Variants in HS1BP3 observed in about 807,000 individuals in gnomAD.
The protein encoded by HS1BP3 is HCLS1 binding protein 3.
HS1BP3 carries 32 observed loss-of-function variants against 33.5 expected under a neutral mutation model. The ratio of observed to expected loss-of-function variants is 0.95; its 90% confidence interval spans 0.72 to 1.28. HS1BP3 has a LOEUF of 1.28. Among genes scored for constraint, HS1BP3 ranks in the 50% most tolerant of loss-of-function variants. HS1BP3 has a pLI of 0.00. For synonymous variants in HS1BP3, 187 were observed against 209.2 expected, an observed-to-expected ratio of 0.89 and a Z score of 0.92; for missense variants, 486 against 502.3, an observed-to-expected ratio of 0.97 and a Z score of 0.31.
At chr2:20,646,658 T>C (rs889397244) in intron 1 of HS1BP3, among the ~76,000 whole-genome samples, 2 of 152,258 alleles carry the variant, frequency 1.3e-5, no homozygotes, top group Non-Finnish European at 2.9e-5. Flanking sequence ...AAGGGCCGAA[T>C]GGGCACTGGG....
At chr2:20,574,223 G>A (rs147009709) in intron 5 of HS1BP3, among the ~76,000 whole-genome samples, 107 of 152,320 alleles carry the variant, frequency 7.0e-4, no homozygotes, top group African/African-American at 2.4e-3. Context: ...TGCAAGGCTC[G>A]TGAGACTCAA....
intron 6 of HS1BP3, among the ~76,000 whole-genome samples, chr2:20,620,595 G>C (rs2149290058): frequency 6.6e-6 from 1 of 152,310 alleles, no homozygotes; most frequent in South Asian, 2.1e-4. Context: ...ACTGCAGGAG[G>C]AGAACTGGCT....
rs78060113 is a variant in HS1BP3 at position 20,606,560 on chromosome 2, T to C, written c.179-8295A>G. On this transcript the variant is annotated intron_variant, in intron 2 of 3. Transcript: ENST00000415264. ...AACTATGTCTTTGGAGCACTTCTTC[T>C]TTTTGGCCTTGTCCCCGGATTTGCT... 2.8e-3 allele frequency: 1,369 copies of C among 488,264 alleles called. 10 individuals carry two copies. Among genetic ancestry groups the C allele is most frequent in the African/African-American group, 0.023 (1,183 of 50,902 alleles). 30.2% of individuals were successfully genotyped at this position (488,264 alleles called of 1,614,324 possible). A position where few individuals can be genotyped will look rare whatever the true frequency, so the allele number is the denominator to read the frequency against.
chr2:20,631,978 G>A (rs913299846), intron 4 of HS1BP3, among the ~76,000 whole-genome samples: 1 of 152,194 alleles, frequency 6.6e-6, no homozygotes, highest in Non-Finnish European at 1.5e-5. Context: ...AGCCCCAAAT[G>A]GCCAAGATTT....
chr2:20,633,910 C>T (rs535339675), intron 4 of HS1BP3, among the ~76,000 whole-genome samples: 2 of 152,370 alleles, frequency 1.3e-5, no homozygotes, highest in South Asian at 2.1e-4. Context: ...GTGCCGCCTG[C>T]GTGACGCTGC....
rs67769731 is a variant in HS1BP3, at chr2:20,598,539, CTTTTTTTTTTTTTTTTT to C, written c.179-291_179-275del. Among the ~76,000 whole-genome samples, 17 of 63,872 alleles carry C rather than the reference CTTTTTTTTTTTTTTTTT, an allele frequency of 2.7e-4. No homozygotes were observed. The East Asian group carries it at 9.5e-3, about 36-fold the overall frequency. 41.9% of individuals were successfully genotyped at this position (63,872 alleles called of 152,430 possible). On this transcript the variant is annotated intron_variant, in intron 2 of 3. Coordinates refer to the HS1BP3 transcript ENST00000415264. ...CCTAACAGGCCAGGGACCGGTACTT[CTTTTTTTTTTTTTTTTT>C]TTTTTTTTTTTTTTTTTTTTGAGAC...
intron 5 of HS1BP3, among the ~76,000 whole-genome samples, chr2:20,563,759 G>A (rs1693058415): frequency 1.3e-5 from 2 of 152,178 alleles, no homozygotes; most frequent in Admixed American, 6.5e-5. Context: ...GTAGAATCCA[G>A]AGGGCTCTCA....
chr2:20,618,761 G>A lies in HS1BP3; in HGVS notation c.*226C>T. 7.3e-7 allele frequency: 1 copy of A among 1,366,230 alleles called. No individual in the cohort carries two copies. Among genetic ancestry groups the A allele is most frequent in the Non-Finnish European group, 9.4e-7 (1 of 1,064,048 alleles). 84.6% of individuals were successfully genotyped at this position (1,366,230 alleles called of 1,614,324 possible). ...GTCCACGGGGAATAAGACACATTGG[G>A]CTCTGGCTCCTAGGGTGAGAGCCGC... On this transcript the variant is annotated 3_prime_UTR_variant, in exon 7 of 7. Transcript: ENST00000304031.
In HS1BP3 at chr2:20,641,049, G is replaced by A. The variant is rs140913830; in HGVS notation, c.330C>T (p.Ala110=). 3.7e-6 allele frequency: 6 copies of A among 1,614,116 alleles called. 1 individual carries two copies. The highest frequency in any genetic ancestry group is 3.3e-5 in the Admixed American group (2 of 60,030). Residue 110 remains alanine (A), a synonymous_variant, in exon 3 of 7, where the codon GCC becomes GCT. Coordinates refer to ENST00000304031, the MANE Select transcript of HS1BP3 (RefSeq NM_022460.4). ...VGESDIRERR[A]VFNEILRCVS... is the part of the protein sequence containing the mutation. The stretch of plus-strand genomic sequence containing the variant: ...CACAGCGCAGGATCTCATTGAACAC[G>A]GCTCTCCTCTCCCGGATGTCAGACT...
intron 2 of HS1BP3, among the ~76,000 whole-genome samples, chr2:20,599,228 C>T (rs1428559492): frequency 2.6e-5 from 4 of 152,232 alleles, no homozygotes; most frequent in Non-Finnish European, 4.4e-5. Flanking sequence ...GAGGAGCTGT[C>T]CTGGCCCCAG....
rs112559929 is a variant in HS1BP3, at chr2:20,632,647, C to T, written c.623+5789G>A. ...TGTTACTTGCCAGAACTTGCCACAACGGGTCCTGGGGGAGCCTGAGGCGGG... is the reference window on the plus strand; with the variant it reads ...TGTTACTTGCCAGAACTTGCCACAATGGGTCCTGGGGGAGCCTGAGGCGGG... On this transcript the variant is annotated intron_variant, in intron 4 of 6. Transcript: ENST00000304031. 2.6e-3 allele frequency among the ~76,000 whole-genome samples: 403 copies of T among 152,336 alleles called. 2 individuals carry two copies. The highest frequency in any genetic ancestry group is 9.3e-3 in the African/African-American group (388 of 41,580).
intron 5 of HS1BP3, among the ~76,000 whole-genome samples, chr2:20,624,517 A>C (rs1235511253): frequency 6.6e-6 from 1 of 152,190 alleles, no homozygotes; most frequent in East Asian, 1.9e-4. Flanking sequence ...TGCCCTAGGC[A>C]GGCCCTATCG....
intron 3 of HS1BP3, among the ~76,000 whole-genome samples, chr2:20,594,471 T>C (rs4666435): frequency 0.96 from 145,514 of 152,258 alleles, 69,888 homozygotes; most frequent in East Asian, 1. Context: ...AATGGAGAGA[T>C]GGCTCCTTCC....
At position 20,611,926 on chromosome 2, in the gene HS1BP3, G is replaced by A. The variant is rs1009636530; in HGVS notation, c.178+11970C>T. Among the ~76,000 whole-genome samples the A allele has an allele frequency of 6.6e-6, 1 of 152,150 alleles. No individual in the cohort carries two copies. Among genetic ancestry groups the A allele is most frequent in the Non-Finnish European group, 1.5e-5 (1 of 68,034 alleles). ...GCAAGCCATCAGCACCCCTTTCCAC[G>A]AAGATGTCTGGTGTTCACTCTCAGA... is the stretch of plus-strand genomic sequence containing the variant. On this transcript the variant is annotated intron_variant, in intron 2 of 3. Transcript: ENST00000415264. This position sits in a 1 kb window ranked among gnomAD's most constrained non-coding sequence, Gnocchi z 4.9.
At chr2:20,621,142 G>T (rs1379425901) in intron 6 of HS1BP3, among the ~76,000 whole-genome samples, 1 of 152,230 alleles carries the variant, frequency 6.6e-6, no homozygotes, top group Non-Finnish European at 1.5e-5. Context: ...GGGCAGGGCC[G>T]GGCAGGGGTG....
At chr2:20,577,651 C>G (rs956652634) in intron 5 of HS1BP3, among the ~76,000 whole-genome samples, 1 of 152,258 alleles carries the variant, frequency 6.6e-6, no homozygotes, top group East Asian at 1.9e-4. Context: ...GTGGCTGCAG[C>G]CTGGGAGGGA....
chr2:20,568,806 G>A (rs1693197276), intron 5 of HS1BP3, among the ~76,000 whole-genome samples: 1 of 152,196 alleles, frequency 6.6e-6, no homozygotes, highest in South Asian at 2.1e-4. Context: ...CACCTGATGA[G>A]GGACAGGCAG....
intron 2 of HS1BP3, among the ~76,000 whole-genome samples, chr2:20,603,436 A>G (rs1319107487): frequency 6.6e-6 from 1 of 152,262 alleles, no homozygotes; most frequent in African/African-American, 2.4e-5. Context: ...ATGCTGCAAC[A>G]TGGATGACCC....
intron 5 of HS1BP3, 133 bp from the exon 6 acceptor site, chr2:20,624,164 A>G: frequency 2.7e-6 from 3 of 1,123,796 alleles, no homozygotes; most frequent in South Asian, 3.1e-5. Context: ...TCAACCTGTC[A>G]TAACTGGTGC....
Sources: gnomAD v4.1 joint callset for allele counts (sites outside exome capture counted in the v4.1 genomes callset) on GRCh38, gnomAD v4.1.1 for gene constraint, Gnocchi (gnomAD v3.1) non-coding constraint, MANE v1.5 for transcripts, NCBI Gene and HGNC (gene_info 2026-07-23, HGNC 2026-07-21) for gene names.